The following ABCB4 variants were observed in gnomAD, a reference collection of about 807,000 sequenced individuals.
The protein encoded by ABCB4 is phosphatidylcholine translocator ABCB4.
Under a neutral mutation model 145.7 loss-of-function variants are expected in ABCB4, and 76 were observed. The observed-to-expected ratio is 0.52, with a 90% CI of 0.43 to 0.63. The LOEUF is 0.63. Ranked by LOEUF, ABCB4 falls within the 30% of genes least tolerant of loss-of-function variation. The pLI is 0.00. For synonymous variants in ABCB4, 517 were observed against 566.8 expected, an observed-to-expected ratio of 0.91 and a Z score of 1.25; for missense variants, 1,234 against 1,553.1, an observed-to-expected ratio of 0.79 and a Z score of 3.45.
At chr7:87,371,309 T>A in the ABCB4 span, among the ~76,000 whole-genome samples, 1 of 152,218 alleles carries the variant, frequency 6.6e-6, no homozygotes, top group Non-Finnish European at 1.5e-5. Context: ...ATTTTTATAG[T>A]TAGCTTCTTT....
chr7:87,390,910 A>G, the ABCB4 span, among the ~76,000 whole-genome samples: 28 of 152,322 alleles, frequency 1.8e-4, 1 homozygote, highest in South Asian at 5.8e-3. Flanking sequence ...CAGTAATTTT[A>G]TATCACAATT....
intron 3 of ABCB4, among the ~76,000 whole-genome samples, chr7:87,466,112 G>A (rs749689098): frequency 4.6e-5 from 7 of 152,108 alleles, no homozygotes; most frequent in African/African-American, 9.7e-5. Context: ...AGCTAAAGAC[G>A]GAAGTTCGAA....
intron 3 of ABCB4, among the ~76,000 whole-genome samples, chr7:87,463,502 T>G (rs1385630062): frequency 6.6e-6 from 1 of 152,156 alleles, no homozygotes; most frequent in African/African-American, 2.4e-5. Flanking sequence ...AAAAATTTAG[T>G]TTTCACCAGT....
intron 9 of ABCB4, 30 bp downstream of exon 9, chr7:87,447,004 T>C (rs760999600): frequency 2.5e-6 from 4 of 1,569,920 alleles, no homozygotes; most frequent in Non-Finnish European, 3.5e-6. Flanking sequence ...GATTTTCATA[T>C]TCTTCATAAA....
the ABCB4 span, among the ~76,000 whole-genome samples, chr7:87,368,091 C>T: frequency 4.6e-5 from 7 of 152,248 alleles, no homozygotes; most frequent in East Asian, 1.9e-4. Flanking sequence ...TTCTCTGTGC[C>T]GCAGCTGCAC....
chr7:87,451,591 A>G, intron 7 of ABCB4, 32 bp downstream of exon 7: 1 of 1,612,334 alleles, frequency 6.2e-7, no homozygotes, highest in Non-Finnish European at 8.5e-7. Context: ...TGCAGGGGTT[A>G]ACACACATAA....
the ABCB4 span, chr7:87,392,647 A>C: frequency 3.1e-6 from 5 of 1,612,338 alleles, no homozygotes; most frequent in Non-Finnish European, 4.2e-6. Flanking sequence ...TGGAAAAGGT[A>C]CTTAAGTTAA....
At chr7:87,393,506 C>G in the ABCB4 span, among the ~76,000 whole-genome samples, 3 of 152,238 alleles carry the variant, frequency 2.0e-5, no homozygotes, top group South Asian at 6.2e-4. Context: ...ATGCAGTTCA[C>G]TTGGGCTGTG....
rs567469410 is a variant in ABCB4 at position 87,439,597 on chromosome 7, C to T, written c.1731+70G>A. 99 of 1,569,528 alleles carry T rather than the reference C, an allele frequency of 6.3e-5. No individual in the cohort carries two copies. In the East Asian group the frequency reaches 1.2e-3, roughly 19 times the overall value. ...TGTTTCTGTTTCTCAGCCCAGACTC[C>T]GGAAGCACTGGCAAGAATCTTCAAT... On this transcript the variant is annotated intron_variant, in intron 14 of 27. Transcript: ENST00000649586.
chr7:87,475,712 G>A, upstream of ABCB4: 1 of 448,244 alleles, frequency 2.2e-6, no homozygotes, highest in Non-Finnish European at 3.9e-6. Context: ...TGCTCGCCGC[G>A]GCCTCGCCCC....
intron 22 of ABCB4, among the ~76,000 whole-genome samples, 156 bp from the exon 23 acceptor site, chr7:87,412,189 A>G (rs1808671475): frequency 6.6e-6 from 1 of 152,226 alleles, no homozygotes; most frequent in South Asian, 2.1e-4. Context: ...AAACATTTAT[A>G]CCATGGAAAT....
At chr7:87,388,008 C>A in the ABCB4 span, among the ~76,000 whole-genome samples, 1 of 152,270 alleles carries the variant, frequency 6.6e-6, no homozygotes, top group Non-Finnish European at 1.5e-5. Flanking sequence ...CAGTCAAATG[C>A]ACAGTTTTGG....
intron 14 of ABCB4, among the ~76,000 whole-genome samples, chr7:87,433,330 G>A (rs1001483419): frequency 1.3e-5 from 2 of 152,124 alleles, no homozygotes; most frequent in Non-Finnish European, 2.9e-5. Context: ...TTGATTTTTA[G>A]TATATAAGCC....
In ABCB4 at chr7:87,426,844, C is replaced by T; in HGVS notation, c.1970G>A (p.Gly657Asp). 1 of 1,613,898 alleles carries T rather than the reference C, an allele frequency of 6.2e-7. No homozygotes were observed. The highest frequency in any genetic ancestry group is 8.5e-7 in the Non-Finnish European group (1 of 1,179,948). Residue 657 changes from glycine (G) to aspartate (D), a missense_variant, in exon 16 of 28, where the codon GGC becomes GAC. By Grantham distance (94) the Gly-to-Asp change is moderately conservative. Transcript: ENST00000649586. ...ATGCCTAAATAGGCGAGATTTCCAGCCATTTGGGGCCATTCTAGTGGCAGC... is the reference window on the plus strand; with the variant it reads ...ATGCCTAAATAGGCGAGATTTCCAGTCATTTGGGGCCATTCTAGTGGCAGC... ...EKAATRMAPNGWKSRLFRHST... is the reference protein window; with the variant it reads ...EKAATRMAPNDWKSRLFRHST...
chr7:87,426,846 AT>A lies in ABCB4; in HGVS notation c.1967del (p.Asn656MetfsTer43). 1 of 1,614,012 alleles carries A rather than the reference AT, an allele frequency of 6.2e-7. No homozygotes were observed. Among genetic ancestry groups the A allele is most frequent in the Non-Finnish European group, 8.5e-7 (1 of 1,179,976 alleles). Reference protein sequence around the residue: ...DEKAATRMAPNGWKSRLFRHS... With the variant: ...DEKAATRMAPXGWKSRLFRHS... ...GCCTAAATAGGCGAGATTTCCAGCC[AT>A]TTGGGGCCATTCTAGTGGCAGCCTT... is the stretch of plus-strand genomic sequence containing the variant. On this transcript the variant is annotated frameshift_variant, in exon 16 of 28. Transcript: ENST00000649586. LOFTEE classifies it high-confidence loss of function.
At chr7:87,370,193 T>C in the ABCB4 span, among the ~76,000 whole-genome samples, 1 of 151,772 alleles carries the variant, frequency 6.6e-6, no homozygotes, top group Non-Finnish European at 1.5e-5. Context: ...AAAAAATAAT[T>C]TTTTTTTTGA....
chr7:87,467,818 G>C (rs899046204), intron 3 of ABCB4, among the ~76,000 whole-genome samples: 12 of 152,120 alleles, frequency 7.9e-5, no homozygotes, highest in African/African-American at 2.4e-4. Context: ...CGAAATGAAG[G>C]CAGAAATAAA....
chr7:87,385,369 C>A, the ABCB4 span, among the ~76,000 whole-genome samples: 9 of 152,114 alleles, frequency 5.9e-5, 1 homozygote, highest in African/African-American at 1.9e-4. Context: ...TCACTTTCAT[C>A]AGTGTCTTAT....
In ABCB4 at chr7:87,406,425, G is replaced by A. The variant is rs148279875; in HGVS notation, c.3349C>T (p.Gln1117Ter). Residue 1117 changes from glutamine to a stop codon, truncating the protein, a stop_gained, in exon 26 of 28, where the codon CAG (glutamine) becomes TAG (stop). Coordinates refer to ENST00000649586, the MANE Select transcript of ABCB4 (RefSeq NM_000443.4). LOFTEE classifies it high-confidence loss of function. The stretch of plus-strand genomic sequence containing the variant: ...CTGCAGTCAAATAGGATAGGCTCCT[G>A]AGACACGATTCCGAGTTGAGCTCTG... ...WLRAQLGIVS[Q>*]EPILFDCSIA... 3 of 1,613,926 alleles carry A rather than the reference G, an allele frequency of 1.9e-6. No individual in the cohort carries two copies. The highest frequency in any genetic ancestry group is 2.5e-6 in the Non-Finnish European group (3 of 1,180,032).
Sources: gnomAD v4.1 joint callset for allele counts (sites outside exome capture counted in the v4.1 genomes callset) on GRCh38, gnomAD v4.1.1 for gene constraint, MANE v1.5 for transcripts, NCBI Gene and HGNC (gene_info 2026-07-23, HGNC 2026-07-21) for gene names.